Variants in GRAMD1B observed in about 807,000 individuals in gnomAD.
GRAMD1B encodes GRAM domain containing 1B.
A neutral mutation model predicts 99.7 loss-of-function variants in GRAMD1B; 37 were observed. The observed-to-expected ratio is 0.37, with a 90% CI of 0.29 to 0.49. The LOEUF (loss-of-function observed/expected upper bound fraction) is 0.49. Among genes scored for constraint, GRAMD1B ranks in the 20% least tolerant of loss-of-function variants. The probability of loss-of-function intolerance (pLI) is 0.98; values close to 1 mark genes in which losing one functional copy is unlikely to be tolerated. For missense variants in GRAMD1B, 888 were observed against 1,009.2 expected (o/e 0.88, Z 1.63); for synonymous variants, 427 against 387.6 (o/e 1.10, Z -1.19).
At chr11:123,565,119 G>A (rs190355446) in intron 2 of GRAMD1B, among the ~76,000 whole-genome samples, 10 of 151,986 alleles carry the variant, frequency 6.6e-5, no homozygotes, top group East Asian at 1.9e-4. Context: ...CTGCAACCTC[G>A]AATTCCTGGT....
At chr11:123,578,347 G>A in intron 3 of GRAMD1B, 1 of 1,355,290 alleles carries the variant, frequency 7.4e-7, no homozygotes, top group Non-Finnish European at 1.0e-6. Context: ...TTGATTTCTT[G>A]TTCTTCCTCT....
intron 2 of GRAMD1B, among the ~76,000 whole-genome samples, chr11:123,527,315 A>G (rs1285478087): frequency 6.6e-6 from 1 of 152,178 alleles, no homozygotes; most frequent in Admixed American, 6.5e-5. Context: ...CCCCTACCCT[A>G]GATTAAACCC....
At chr11:123,441,631 A>T (rs1448948335) in intron 1 of GRAMD1B, among the ~76,000 whole-genome samples, 2 of 151,988 alleles carry the variant, frequency 1.3e-5, no homozygotes, top group African/African-American at 2.4e-5. Context: ...ATAAAAGAAA[A>T]AAAAAGAGAA....
At chr11:123,378,431 C>A (rs1005160385) in intron 1 of GRAMD1B, among the ~76,000 whole-genome samples, 1 of 152,164 alleles carries the variant, frequency 6.6e-6, no homozygotes, top group African/African-American at 2.4e-5. Flanking sequence ...AAGTCCAGTG[C>A]ACTGTCTAAG....
At chr11:123,547,765 A>T (rs1190007749) in intron 2 of GRAMD1B, among the ~76,000 whole-genome samples, 1 of 152,200 alleles carries the variant, frequency 6.6e-6, no homozygotes, top group Admixed American at 6.5e-5. Flanking sequence ...GGCCTTGCCG[A>T]GTATGATGCT....
At chr11:123,547,690 C>T (rs1317485927) in intron 2 of GRAMD1B, among the ~76,000 whole-genome samples, 1 of 152,190 alleles carries the variant, frequency 6.6e-6, no homozygotes, top group Non-Finnish European at 1.5e-5. Context: ...TGCCTAGTTA[C>T]TTTACAGTTT....
At chr11:123,376,153 G>GAA (rs146910031) in intron 1 of GRAMD1B, among the ~76,000 whole-genome samples, 3 of 150,184 alleles carry the variant, frequency 2.0e-5, no homozygotes, top group Non-Finnish European at 4.4e-5. Flanking sequence ...TTCTAAACTT[G>GAA]AAAAAAAAAT....
chr11:123,598,754 T>A, intron 7 of GRAMD1B: 1 of 909,372 alleles, frequency 1.1e-6, no homozygotes, highest in Non-Finnish European at 1.9e-6. Flanking sequence ...GAGCACTGCT[T>A]GTCTCTTTCG....
rs1947281102 is a variant in GRAMD1B at position 123,391,552 on chromosome 11, G to A, written c.-176+32753G>A. ...GCTCACTGCAACCTCCGCCTCCTGG[G>A]TTCAAGCAATTCTCCTGCCTCAGCC... On this transcript the variant is annotated intron_variant, in intron 1 of 20. Transcript: ENST00000638157. Among the ~76,000 whole-genome samples the A allele has an allele frequency of 2.0e-5, 3 of 152,172 alleles. No homozygotes were observed. In the South Asian group the frequency reaches 6.2e-4, roughly 32 times the overall value.
upstream of GRAMD1B, among the ~76,000 whole-genome samples, chr11:123,425,665 G>T (rs755958214): frequency 2.6e-5 from 4 of 152,184 alleles, no homozygotes; most frequent in Non-Finnish European, 4.4e-5. Flanking sequence ...TCTATTCTCG[G>T]AAACTGAGTC....
chr11:123,416,869 C>T (rs757102760), intron 1 of GRAMD1B, among the ~76,000 whole-genome samples: 1 of 152,136 alleles, frequency 6.6e-6, no homozygotes, highest in African/African-American at 2.4e-5. Flanking sequence ...ACAATAAGCC[C>T]TTGAGATGGG....
chr11:123,358,956 C>A (rs1946046774), intron 1 of GRAMD1B, among the ~76,000 whole-genome samples: 1 of 152,130 alleles, frequency 6.6e-6, no homozygotes, highest in Admixed American at 6.5e-5. Context: ...ATCAAAGTTA[C>A]CTGAGGGCCA....
chr11:123,520,966 C>T (rs191286789), intron 2 of GRAMD1B, among the ~76,000 whole-genome samples: 96 of 152,192 alleles, frequency 6.3e-4, no homozygotes, highest in Admixed American at 1.8e-3. Flanking sequence ...GAAAATAACA[C>T]GAGGCATGTA....
chr11:123,506,330 C>T (rs2135235363), intron 2 of GRAMD1B, among the ~76,000 whole-genome samples: 1 of 152,306 alleles, frequency 6.6e-6, no homozygotes, highest in South Asian at 2.1e-4. Context: ...GCTTGTGCTT[C>T]CTGCAACCCC....
At position 123,610,208 on chromosome 11, in the gene GRAMD1B, G is replaced by A; in HGVS notation, c.1789G>A (p.Ala597Thr). 6.2e-7 allele frequency: 1 copy of A among 1,613,884 alleles called. No homozygotes were observed. Among genetic ancestry groups the A allele is most frequent in the South Asian group, 1.1e-5 (1 of 91,070 alleles). The change falls in exon 14 of 20, where the codon GCG (alanine) becomes ACG (threonine). Residue 597 changes from alanine (A) to threonine (T), a missense_variant. This residue lies in a region of GRAMD1B where 92 missense variants were observed against 156.9 expected (regional missense o/e 0.59). Coordinates refer to ENST00000635736, the MANE Select transcript of GRAMD1B (RefSeq NM_001387025.1). The surrounding 1 kb of genome is among the most constrained non-coding windows in gnomAD (Gnocchi z 4.1). The stretch of plus-strand genomic sequence containing the variant: ...TTCCTGCCCGCAGACCATGTACAAG[G>A]CGAGCCAGGAGAGTGAATGTTACGT... The part of the protein sequence containing the change: ...TVRETQTMYK[A>T]SQESECYVID...
intron 2 of GRAMD1B, among the ~76,000 whole-genome samples, chr11:123,488,622 G>A (rs1354188224): frequency 2.0e-5 from 3 of 152,082 alleles, no homozygotes; most frequent in Non-Finnish European, 2.9e-5. Context: ...CTGGGGAGCC[G>A]GATCTTCTCC....
At chr11:123,529,637 T>A (rs1007657996) in intron 2 of GRAMD1B, among the ~76,000 whole-genome samples, 6 of 152,158 alleles carry the variant, frequency 3.9e-5, no homozygotes, top group South Asian at 4.1e-4. Context: ...GTGGGGCATG[T>A]AGTGATTTGG....
At chr11:123,483,106 G>A (rs1007507228) in intron 2 of GRAMD1B, among the ~76,000 whole-genome samples, 1 of 152,066 alleles carries the variant, frequency 6.6e-6, no homozygotes, top group Non-Finnish European at 1.5e-5. Flanking sequence ...ATATCTGAAA[G>A]CTGAAGAAAT....
At chr11:123,521,840 A>G (rs928665071) in intron 2 of GRAMD1B, among the ~76,000 whole-genome samples, 1 of 152,198 alleles carries the variant, frequency 6.6e-6, no homozygotes, top group Non-Finnish European at 1.5e-5. Context: ...AATTATCTCT[A>G]GTGTGCTCTG....
Sources: gnomAD v4.1 joint callset for allele counts (sites outside exome capture counted in the v4.1 genomes callset) on GRCh38, gnomAD v4.1.1 for gene constraint, gnomAD v4.1.1 regional missense constraint, Gnocchi (gnomAD v3.1) non-coding constraint, MANE v1.5 for transcripts, NCBI Gene and HGNC (gene_info 2026-07-23, HGNC 2026-07-21) for gene names.